Variants in RAF1 observed in about 807,000 individuals in gnomAD.
RAF1 encodes Raf-1 proto-oncogene, serine/threonine kinase, also known as RAF proto-oncogene serine/threonine-protein kinase.
Under a neutral mutation model 81.1 loss-of-function variants are expected in RAF1, and 27 were observed. The observed-to-expected ratio is 0.33, with a 90% CI of 0.25 to 0.46. The LOEUF is 0.46. Ranked by LOEUF, RAF1 falls within the 20% of genes least tolerant of loss-of-function variation. The probability of loss-of-function intolerance (pLI) is 1.00; values close to 1 mark genes in which losing one functional copy is unlikely to be tolerated. For synonymous variants in RAF1, 298 were observed against 294.0 expected (o/e 1.01, Z -0.14); for missense variants, 598 against 826.0 (o/e 0.72, Z 3.38).
At chr3:12,657,659 T>C (rs527571830) in intron 1 of RAF1, among the ~76,000 whole-genome samples, 53 of 151,858 alleles carry the variant, frequency 3.5e-4, no homozygotes, top group African/African-American at 1.2e-3. Flanking sequence ...TAACCCCAGC[T>C]ACTCAGGAGG....
chr3:12,606,982 C>T (rs537182096), intron 5 of RAF1, among the ~76,000 whole-genome samples: 2 of 152,196 alleles, frequency 1.3e-5, no homozygotes, highest in African/African-American at 2.4e-5. Flanking sequence ...TGAGCCACCG[C>T]GCCCGGCCCA....
At chr3:12,640,715 C>A (rs2060158248) in intron 1 of RAF1, among the ~76,000 whole-genome samples, 1 of 138,546 alleles carries the variant, frequency 7.2e-6, no homozygotes, top group African/African-American at 2.8e-5. Context: ...CAGGAAACAA[C>A]AGGTGCTGGA....
chr3:12,638,551 G>C (rs760743743), intron 1 of RAF1, among the ~76,000 whole-genome samples: 5 of 152,166 alleles, frequency 3.3e-5, no homozygotes, highest in African/African-American at 4.8e-5. Flanking sequence ...TATTTCCAAA[G>C]TTTGATTCAC....
At chr3:12,609,146 A>G (rs1282186508) in intron 4 of RAF1, 87 bp downstream of exon 4, 1 of 1,091,034 alleles carries the variant, frequency 9.2e-7, no homozygotes, top group East Asian at 2.4e-5. Context: ...CTATATATAT[A>G]TATACATACG....
chr3:12,604,009 A>G lies in RAF1; in HGVS notation c.834+127T>C, dbSNP rs866789241. 31 of 1,073,714 alleles carry G rather than the reference A, an allele frequency of 2.9e-5. No homozygotes were observed. In the South Asian group the frequency reaches 3.8e-4, roughly 13 times the overall value. The allele number at this position is 1,073,714 out of a possible 1,614,324, so 66.5% of individuals were successfully genotyped here. A position where few individuals can be genotyped will look rare whatever the true frequency, so the allele number is the denominator to read the frequency against. On this transcript the variant is annotated intron_variant, in intron 7 of 17. Transcript: ENST00000442415. ...TATTATGGATATAAAATAAACTGTA[A>G]AAGTCCAGAGACCTGAGAAAGTGTT...
rs188339079 is a variant in RAF1, at chr3:12,658,179, T to C, written c.-27+5634A>G. On this transcript the variant is annotated intron_variant, in intron 1 of 17. Transcript: ENST00000442415. ...TGAATGCCTGAAAGCAAGAACAGTA[T>C]ACTATACTGTATACACTATGTTTTT... Among the ~76,000 whole-genome samples the C allele has an allele frequency of 5.6e-4, 86 of 152,346 alleles. 1 individual carries two copies. Among genetic ancestry groups the C allele is most frequent in the African/African-American group, 1.5e-3 (62 of 41,578 alleles).
chr3:12,601,738 A>T (rs1333412185), intron 8 of RAF1, among the ~76,000 whole-genome samples: 1 of 152,168 alleles, frequency 6.6e-6, no homozygotes, highest in East Asian at 1.9e-4. Context: ...CATAATTCGG[A>T]ATTTAACAAG....
chr3:12,611,078 TTC>T (rs990499216), intron 3 of RAF1, among the ~76,000 whole-genome samples: 1 of 152,224 alleles, frequency 6.6e-6, no homozygotes, highest in Non-Finnish European at 1.5e-5. Flanking sequence ...ATAATGCACT[TTC>T]TGAGTGCCCA....
In RAF1 at chr3:12,584,378, T is replaced by A. The variant is rs958896903; in HGVS notation, c.*136A>T. 23 of 1,119,138 alleles carry A rather than the reference T, an allele frequency of 2.1e-5. No individual in the cohort carries two copies. The highest frequency in any genetic ancestry group is 2.8e-5 in the Non-Finnish European group (21 of 763,522). 69.3% of individuals were successfully genotyped at this position (1,119,138 alleles called of 1,614,324 possible). A position where few individuals can be genotyped will look rare whatever the true frequency, so the allele number is the denominator to read the frequency against. On this transcript the variant is annotated 3_prime_UTR_variant, in exon 18 of 18. Transcript: ENST00000442415. ...AGAAGGCAACATGAAGTTAAGGCCCTGTGAGCAGTCTAGAAGGTCCTTAGC... is the reference window on the plus strand; with the variant it reads ...AGAAGGCAACATGAAGTTAAGGCCCAGTGAGCAGTCTAGAAGGTCCTTAGC...
chr3:12,627,188 C>T (rs2059729891), intron 1 of RAF1, among the ~76,000 whole-genome samples: 1 of 152,118 alleles, frequency 6.6e-6, no homozygotes, highest in African/African-American at 2.4e-5. Flanking sequence ...CCAGAGAAGA[C>T]ATAGTGTATT....
Position 12,585,185 on chromosome 3 carries a change from G to A in RAF1, c.1665C>T (p.Gly555=). 3.1e-6 allele frequency: 5 copies of A among 1,614,154 alleles called. No individual in the cohort carries two copies. The highest frequency in any genetic ancestry group is 4.2e-6 in the Non-Finnish European group (5 of 1,180,034). Residue 555 remains glycine (G), a synonymous_variant, in exon 16 of 18, where the codon GGC becomes GGT. Coordinates refer to ENST00000442415, the MANE Select transcript of RAF1 (RefSeq NM_001354689.3). The stretch of plus-strand genomic sequence containing the variant: ...CCGTCATCAGTTCATACAATACGAT[G>A]CCATAGGAGTAGACATCCGACTGGA...
intron 11 of RAF1, 78 bp downstream of exon 10, chr3:12,599,613 C>T (rs944515694): frequency 6.7e-5 from 71 of 1,064,728 alleles, no homozygotes; most frequent in Non-Finnish European, 1.0e-4. Context: ...CAGTCCTCTC[C>T]TCCTCCTGGC....
chr3:12,616,587 A>T (rs2059374941), intron 2 of RAF1, among the ~76,000 whole-genome samples: 1 of 152,214 alleles, frequency 6.6e-6, no homozygotes, highest in African/African-American at 2.4e-5. Context: ...CCTTCAGTTC[A>T]AAATGCACCT....
At chr3:12,663,677 G>C in intron 1 of RAF1, 136 bp downstream of exon 1, 1 of 385,394 alleles carries the variant, frequency 2.6e-6, no homozygotes, top group Non-Finnish European at 4.6e-6. Flanking sequence ...GGTGACAACG[G>C]CCTGGCCCAA....
chr3:12,590,566 TC>T, intron 13 of RAF1: 1 of 546,502 alleles, frequency 1.8e-6, no homozygotes, highest in Non-Finnish European at 3.3e-6. Flanking sequence ...CCTCAAGTGA[TC>T]CACTGGCCTT....
At chr3:12,634,526 C>G (rs2059962136) in intron 1 of RAF1, among the ~76,000 whole-genome samples, 2 of 152,070 alleles carry the variant, frequency 1.3e-5, no homozygotes, top group South Asian at 2.1e-4. Context: ...ACGGGACATC[C>G]AGCATAGGAA....
chr3:12,655,598 G>C (rs1395092287), intron 1 of RAF1, among the ~76,000 whole-genome samples: 1 of 152,100 alleles, frequency 6.6e-6, no homozygotes, highest in Non-Finnish European at 1.5e-5. Flanking sequence ...ACTGAAAGCA[G>C]GGGCTCCAAC....
At chr3:12,655,008 C>T (rs561187934) in intron 1 of RAF1, among the ~76,000 whole-genome samples, 2 of 149,288 alleles carry the variant, frequency 1.3e-5, no homozygotes, top group African/African-American at 4.9e-5. Context: ...AGACCCCCCC[C>T]CCGCCATCTC....
intron 1 of RAF1, among the ~76,000 whole-genome samples, chr3:12,652,728 A>G (rs890150751): frequency 2.0e-5 from 3 of 151,362 alleles, no homozygotes; most frequent in Non-Finnish European, 4.4e-5. Flanking sequence ...CGGGTGGATC[A>G]CTTGAGGTCA....
Sources: allele counts gnomAD v4.1 joint callset (sites outside exome capture counted in the v4.1 genomes callset), GRCh38; gene constraint gnomAD v4.1.1; transcripts MANE v1.5; gene names NCBI Gene and HGNC (gene_info 2026-07-23, HGNC 2026-07-21).